Variants in EIF4E3 observed in about 807,000 individuals in gnomAD.
EIF4E3 encodes eukaryotic translation initiation factor 4E family member 3.
Under a neutral mutation model 31.7 loss-of-function variants are expected in EIF4E3, and 26 were observed. The observed-to-expected ratio is 0.82, with a 90% CI of 0.60 to 1.14. EIF4E3 has a LOEUF of 1.14. Ranked by LOEUF, EIF4E3 falls within the 50% of genes most tolerant of loss-of-function variation. The pLI is 0.00. For missense variants in EIF4E3, 304 were observed against 270.9 expected, an observed-to-expected ratio of 1.12 and a Z score of -0.86; for synonymous variants, 128 against 107.7, an observed-to-expected ratio of 1.19 and a Z score of -1.17.
intron 2 of EIF4E3, among the ~76,000 whole-genome samples, chr3:71,708,200 T>G (rs1466358144): frequency 6.6e-6 from 1 of 152,138 alleles, no homozygotes; most frequent in Non-Finnish European, 1.5e-5. Context: ...TCCTTCAATA[T>G]TCATTGAGTG....
In EIF4E3 at chr3:71,698,036, G is replaced by A. The variant is rs572386335; in HGVS notation, c.345-1516C>T. Reference sequence around the variant, plus strand: ...GCTAATCTACATTTCCACCAACAGTGTACGAGGGCTCCCCTTTCTCCACAC... The same window carrying A: ...GCTAATCTACATTTCCACCAACAGTATACGAGGGCTCCCCTTTCTCCACAC... On this transcript the variant is annotated intron_variant, in intron 3 of 6. Coordinates refer to ENST00000425534, the MANE Select transcript of EIF4E3 (RefSeq NM_001134651.2). Among the ~76,000 whole-genome samples the A allele has an allele frequency of 2.6e-5, 4 of 152,300 alleles. No homozygotes were observed. In the South Asian group the frequency reaches 8.3e-4, roughly 32 times the overall value.
intron 3 of EIF4E3, among the ~76,000 whole-genome samples, chr3:71,697,927 T>C (rs1311558707): frequency 6.6e-6 from 1 of 152,168 alleles, no homozygotes; most frequent in African/African-American, 2.4e-5. Flanking sequence ...GGGGTATATA[T>C]CTGGCAGTGG....
At chr3:71,720,931 T>C (rs1409688062) in intron 1 of EIF4E3, among the ~76,000 whole-genome samples, 1 of 152,058 alleles carries the variant, frequency 6.6e-6, no homozygotes, top group African/African-American at 2.4e-5. Flanking sequence ...AGGAGGGTGC[T>C]TGAGAGAAAG....
At chr3:71,669,974 A>G in the EIF4E3 span, among the ~76,000 whole-genome samples, 1 of 152,244 alleles carries the variant, frequency 6.6e-6, no homozygotes, top group Admixed American at 6.5e-5. Context: ...TGAGGACAAG[A>G]CACAACACTG....
Position 71,684,466 on chromosome 3 carries a change from T to G in EIF4E3, c.*216A>C. On this transcript the variant is annotated 3_prime_UTR_variant, in exon 7 of 7. Coordinates refer to ENST00000425534, the MANE Select transcript of EIF4E3 (RefSeq NM_001134651.2). ...CAAAAAAAAAGTTTTTTGTGTGTGT[T>G]TTTTTTAAAAAGCAAGTAATGTGAC... 2.5e-6 allele frequency: 1 copy of G among 406,640 alleles called. No homozygotes were observed. Among genetic ancestry groups the G allele is most frequent in the Non-Finnish European group, 4.3e-6 (1 of 232,390 alleles). 25.2% of individuals were successfully genotyped at this position (406,640 alleles called of 1,614,324 possible). A position where few individuals can be genotyped will look rare whatever the true frequency, so the allele number is the denominator to read the frequency against.
At chr3:71,753,940 G>T, upstream of EIF4E3, 1 of 1,014,198 alleles carries the variant, frequency 9.9e-7, no homozygotes, top group South Asian at 4.5e-5. Flanking sequence ...CCGCAGGACG[G>T]GGAGCTCGCC....
chr3:71,685,670 AG>A (rs2048981589), intron 6 of EIF4E3, among the ~76,000 whole-genome samples: 1 of 152,236 alleles, frequency 6.6e-6, no homozygotes, highest in Non-Finnish European at 1.5e-5. Flanking sequence ...GCCGGAACTC[AG>A]GAATTTAAAA....
intron 1 of EIF4E3, among the ~76,000 whole-genome samples, chr3:71,731,687 C>T (rs1200278370): frequency 3.3e-5 from 5 of 152,212 alleles, no homozygotes; most frequent in African/African-American, 4.8e-5. Context: ...AATTTCTTGT[C>T]TTTCTCCTCT....
intron 1 of EIF4E3, among the ~76,000 whole-genome samples, chr3:71,741,109 T>A (rs1226015343): frequency 6.6e-6 from 1 of 152,092 alleles, no homozygotes; most frequent in Non-Finnish European, 1.5e-5. Flanking sequence ...CACTCTGGCC[T>A]GGGCAACAGG....
At chr3:71,749,071 A>AT (rs2049901058) in intron 1 of EIF4E3, among the ~76,000 whole-genome samples, 1 of 152,274 alleles carries the variant, frequency 6.6e-6, no homozygotes, top group South Asian at 2.1e-4. Flanking sequence ...GCAAATATGC[A>AT]TAAGTGTAGT....
chr3:71,686,908 T>C (rs2048999896), intron 6 of EIF4E3, among the ~76,000 whole-genome samples: 1 of 152,174 alleles, frequency 6.6e-6, no homozygotes, highest in Admixed American at 6.5e-5. Flanking sequence ...ATAGAATTGC[T>C]CTAAGCCTGG....
chr3:71,692,662 T>C (rs1010323941), intron 5 of EIF4E3, among the ~76,000 whole-genome samples: 4 of 151,594 alleles, frequency 2.6e-5, no homozygotes, highest in South Asian at 2.1e-4. Context: ...ATAGCGATCA[T>C]AGCTCATTGC....
intron 2 of EIF4E3, among the ~76,000 whole-genome samples, chr3:71,700,253 G>A (rs2049196922): frequency 6.6e-6 from 1 of 152,122 alleles, no homozygotes; most frequent in Non-Finnish European, 1.5e-5. Context: ...CTATGTTTCA[G>A]GAAGCTATGG....
At position 71,680,084 on chromosome 3, in the gene EIF4E3, A is replaced by G. The variant is rs1439072056; in HGVS notation, c.*4598T>C. ...ATGACTGCTGTGGTCCCAGCCATAA[A>G]GTTCTTATTCACGAGCATCATCTAC... On this transcript the variant is annotated 3_prime_UTR_variant, in exon 7 of 7. Coordinates refer to ENST00000425534, the MANE Select transcript of EIF4E3 (RefSeq NM_001134651.2). 1 of 152,190 alleles carries G rather than the reference A, an allele frequency of 6.6e-6. No individual in the cohort carries two copies. Among genetic ancestry groups the G allele is most frequent in the Non-Finnish European group, 1.5e-5 (1 of 68,026 alleles). 9.4% of individuals were successfully genotyped at this position (152,190 alleles called of 1,614,324 possible). A position where few individuals can be genotyped will look rare whatever the true frequency, so the allele number is the denominator to read the frequency against.
At chr3:71,714,704 G>T (rs2049439117) in intron 1 of EIF4E3, among the ~76,000 whole-genome samples, 1 of 152,172 alleles carries the variant, frequency 6.6e-6, no homozygotes, top group African/African-American at 2.4e-5. Context: ...ATTTTTAAAT[G>T]ATCTGCCCTG....
rs556241831 is a variant in EIF4E3, at chr3:71,678,178, G to C, written c.*6504C>G. ...ACACACACACTGGAAATCTAATAAT[G>C]ATTAAGTGATGTGGTTGATTAAACT... is the stretch of plus-strand genomic sequence containing the variant. On this transcript the variant is annotated 3_prime_UTR_variant, in exon 7 of 7. Coordinates refer to ENST00000425534, the MANE Select transcript of EIF4E3 (RefSeq NM_001134651.2). 1 of 152,312 alleles carries C rather than the reference G, an allele frequency of 6.6e-6. No individual in the cohort carries two copies. The highest frequency in any genetic ancestry group is 1.5e-5 in the Non-Finnish European group (1 of 68,010). 9.4% of individuals were successfully genotyped at this position (152,312 alleles called of 1,614,324 possible).
intron 1 of EIF4E3, among the ~76,000 whole-genome samples, chr3:71,711,950 T>C (rs1342016653): frequency 6.6e-6 from 1 of 152,072 alleles, no homozygotes; most frequent in African/African-American, 2.4e-5. Flanking sequence ...GCCACTGTAC[T>C]CCAGCCCGGG....
chr3:71,715,505 G>C (rs2049451287), intron 1 of EIF4E3, among the ~76,000 whole-genome samples: 1 of 152,254 alleles, frequency 6.6e-6, no homozygotes, highest in African/African-American at 2.4e-5. Flanking sequence ...AGGTGGGAAA[G>C]AAAGCTGAGG....
chr3:71,740,373 A>G (rs2049807575), intron 1 of EIF4E3, among the ~76,000 whole-genome samples: 1 of 152,224 alleles, frequency 6.6e-6, no homozygotes, highest in South Asian at 2.1e-4. Flanking sequence ...AAAGGCAACA[A>G]TAGATTAAAA....
Sources: gnomAD v4.1 joint callset for allele counts (sites outside exome capture counted in the v4.1 genomes callset) on GRCh38, gnomAD v4.1.1 for gene constraint, MANE v1.5 for transcripts, NCBI Gene and HGNC (gene_info 2026-07-23, HGNC 2026-07-21) for gene names.